Variants in SPATS2L observed in about 807,000 individuals in gnomAD.
SPATS2L encodes SPATS2-like protein.
In SPATS2L, 30 loss-of-function variants were observed where a neutral mutation model predicts 59.6. That is an observed-to-expected ratio of 0.50 (90% CI 0.38 to 0.68). The LOEUF is 0.68. SPATS2L is among the 30% of genes least tolerant of loss of function. The pLI is 0.00. For missense variants in SPATS2L, 615 were observed against 700.0 expected, an observed-to-expected ratio of 0.88 and a Z score of 1.37; for synonymous variants, 252 against 263.5, an observed-to-expected ratio of 0.96 and a Z score of 0.42.
intron 3 of SPATS2L, among the ~76,000 whole-genome samples, chr2:200,400,446 C>A (rs2082489650): frequency 6.6e-6 from 1 of 152,128 alleles, no homozygotes; most frequent in East Asian, 1.9e-4. Context: ...GTATTAAGCT[C>A]ATTGCTTGTT....
At chr2:200,391,902 C>A (rs1234425039) in intron 3 of SPATS2L, among the ~76,000 whole-genome samples, 1 of 152,166 alleles carries the variant, frequency 6.6e-6, no homozygotes, top group African/African-American at 2.4e-5. Flanking sequence ...AGTCTCTGGG[C>A]ACATGGTCAA....
chr2:200,321,982 A>T (rs1031280445), intron 1 of SPATS2L, among the ~76,000 whole-genome samples: 13 of 152,204 alleles, frequency 8.5e-5, no homozygotes, highest in African/African-American at 2.9e-4. Context: ...CCATTCTGGC[A>T]TGTAGTTCAT....
chr2:200,351,637 C>A (rs2080732135), intron 2 of SPATS2L, among the ~76,000 whole-genome samples: 1 of 152,044 alleles, frequency 6.6e-6, no homozygotes, highest in Non-Finnish European at 1.5e-5. Context: ...ATTTACATAG[C>A]CTTAAACTGA....
At position 200,389,783 on chromosome 2, in the gene SPATS2L, G is replaced by A. The variant is rs556846744; in HGVS notation, c.39+500G>A. On this transcript the variant is annotated intron_variant, in intron 3 of 12. Coordinates refer to ENST00000409140, the MANE Select transcript of SPATS2L (RefSeq NM_001100423.2). Reference sequence around the variant, plus strand: ...GGCAGCCTTTGAAGTTTCTTTCAACGCTGAGAGTTCATGACTCTGAAAATC... The same window carrying A: ...GGCAGCCTTTGAAGTTTCTTTCAACACTGAGAGTTCATGACTCTGAAAATC... 5.4e-4 allele frequency: 82 copies of A among 153,194 alleles called. 1 individual carries two copies. In the South Asian group the frequency reaches 0.016, roughly 30 times the overall value. 9.5% of individuals were successfully genotyped at this position (153,194 alleles called of 1,614,324 possible).
intron 2 of SPATS2L, among the ~76,000 whole-genome samples, chr2:200,371,324 A>G (rs763777681): frequency 3.3e-5 from 5 of 152,204 alleles, no homozygotes. Context: ...GATAGAGGAA[A>G]GCATACGTAA....
intron 2 of SPATS2L, among the ~76,000 whole-genome samples, chr2:200,334,852 G>T (rs1236481015): frequency 1.3e-5 from 2 of 152,262 alleles, no homozygotes; most frequent in African/African-American, 4.8e-5. Flanking sequence ...TGAGGGCTCT[G>T]TTCTGTTCCA....
intron 1 of SPATS2L, among the ~76,000 whole-genome samples, chr2:200,307,457 G>A (rs1157037502): frequency 6.6e-6 from 1 of 152,020 alleles, no homozygotes; most frequent in Non-Finnish European, 1.5e-5. Context: ...CGCGCCCCTG[G>A]CGCCCAGCGG....
At chr2:200,408,887 A>G (rs1279310323) in intron 3 of SPATS2L, among the ~76,000 whole-genome samples, 2 of 152,276 alleles carry the variant, frequency 1.3e-5, no homozygotes, top group Non-Finnish European at 2.9e-5. Flanking sequence ...GTTTCTAGAT[A>G]GCACATGGAC....
chr2:200,458,617 T>A (rs72924110), intron 8 of SPATS2L, among the ~76,000 whole-genome samples: 54,410 of 151,938 alleles, frequency 0.36, 10,936 homozygotes, highest in Non-Finnish European at 0.45. Flanking sequence ...ACAAATAAAT[T>A]GCAAAGGGGA....
At chr2:200,412,640 A>G (rs949903643) in intron 4 of SPATS2L, among the ~76,000 whole-genome samples, 2 of 151,884 alleles carry the variant, frequency 1.3e-5, no homozygotes, top group Non-Finnish European at 2.9e-5. Context: ...ACTCAATAAG[A>G]ATAGAATTTG....
chr2:200,477,098 C>T (rs1448690453), intron 12 of SPATS2L, among the ~76,000 whole-genome samples: 1 of 152,062 alleles, frequency 6.6e-6, no homozygotes, highest in East Asian at 1.9e-4. Flanking sequence ...GTACAGGATA[C>T]GGGGTGGGGT....
At chr2:200,396,033 A>AATATAAAT (rs1553520467) in intron 3 of SPATS2L, among the ~76,000 whole-genome samples, 2 of 21,148 alleles carry the variant, frequency 9.5e-5, no homozygotes, top group African/African-American at 2.9e-4. Flanking sequence ...AAAAAAAAAA[A>AATATAAAT]ATATATATAT....
At chr2:200,371,198 A>G (rs182195478) in intron 2 of SPATS2L, among the ~76,000 whole-genome samples, 7 of 152,350 alleles carry the variant, frequency 4.6e-5, no homozygotes, top group Non-Finnish European at 1.0e-4. Context: ...GGAAGAATAA[A>G]GTTCTCAAGT....
chr2:200,344,826 T>C (rs1299893968), intron 2 of SPATS2L, among the ~76,000 whole-genome samples: 2 of 152,184 alleles, frequency 1.3e-5, no homozygotes, highest in South Asian at 2.1e-4. Context: ...ACCAGTGATA[T>C]TGAGCTTTTT....
intron 2 of SPATS2L, among the ~76,000 whole-genome samples, chr2:200,353,603 G>A (rs772640127): frequency 5.3e-5 from 8 of 151,720 alleles, no homozygotes. Flanking sequence ...TTCAAACTTT[G>A]AATCTAACCA....
At chr2:200,362,039 A>G (rs2081124475) in intron 2 of SPATS2L, among the ~76,000 whole-genome samples, 1 of 152,152 alleles carries the variant, frequency 6.6e-6, no homozygotes, top group South Asian at 2.1e-4. Context: ...CGGGAGTTCA[A>G]GACCAGCCTG....
At chr2:200,453,535 T>C (rs932433976) in intron 8 of SPATS2L, among the ~76,000 whole-genome samples, 1 of 152,184 alleles carries the variant, frequency 6.6e-6, no homozygotes, top group Non-Finnish European at 1.5e-5. Context: ...AGGCCTTAAA[T>C]GTATAAAGGA....
At chr2:200,469,411 CTCTT>C (rs2086858075) in intron 10 of SPATS2L, among the ~76,000 whole-genome samples, 1 of 152,192 alleles carries the variant, frequency 6.6e-6, no homozygotes, top group Non-Finnish European at 1.5e-5. Context: ...GAAAAATAAT[CTCTT>C]TCTCACTTCT....
At chr2:200,468,347 T>TAACACACACACACACACACACACACAC (rs1553543030) in intron 10 of SPATS2L, among the ~76,000 whole-genome samples, 1 of 110,082 alleles carries the variant, frequency 9.1e-6, no homozygotes, top group Non-Finnish European at 1.9e-5. Flanking sequence ...CCCAGTATAC[T>TAACACACACACACACACACACACACAC]ACACACACAC....
Sources: gnomAD v4.1 joint callset for allele counts (sites outside exome capture counted in the v4.1 genomes callset) on GRCh38, gnomAD v4.1.1 for gene constraint, MANE v1.5 for transcripts, NCBI Gene and HGNC (gene_info 2026-07-23, HGNC 2026-07-21) for gene names.